AFF2: variants seen among roughly 807,000 people sequenced by gnomAD.
AFF2 encodes the protein AF4/FMR2 family member 2.
In AFF2, 14 loss-of-function variants were observed where a neutral mutation model predicts 76.9. That is an observed-to-expected ratio of 0.18 (90% CI 0.12 to 0.28). AFF2 has a LOEUF of 0.28. Among genes scored for constraint, AFF2 ranks in the 10% least tolerant of loss-of-function variants. The pLI is 1.00. For missense variants in AFF2, 868 were observed against 1,001.1 expected (o/e 0.87, Z 1.79); for synonymous variants, 398 against 366.7 (o/e 1.09, Z -0.98).
chrX:148,897,235 A>AGTCCAC (rs1393880145), intron 8 of AFF2, among the ~76,000 whole-genome samples: 1 of 22,224 alleles, frequency 4.5e-5, no homozygotes, highest in Non-Finnish European at 7.6e-5. Context: ...ATATATATAT[A>AGTCCAC]TATATATATA....
At chrX:148,788,388 G>A (rs1438647668) in intron 3 of AFF2, among the ~76,000 whole-genome samples, 6 of 111,925 alleles carry the variant, frequency 5.4e-5, no homozygotes, top group Admixed American at 2.8e-4. Flanking sequence ...ATAGAGCCAC[G>A]TATCAAGAAC....
intron 3 of AFF2, among the ~76,000 whole-genome samples, chrX:148,666,714 A>G (rs975747577): frequency 8.9e-6 from 1 of 112,061 alleles, no homozygotes; most frequent in Non-Finnish European, 1.9e-5. Flanking sequence ...TTGGGTTTAG[A>G]AGAATTTTCT....
At chrX:148,534,557 AG>A (rs1245680507) in intron 1 of AFF2, among the ~76,000 whole-genome samples, 3 of 112,399 alleles carry the variant, frequency 2.7e-5, no homozygotes, top group African/African-American at 6.5e-5. Flanking sequence ...ATAGTTTTGT[AG>A]GCCCCAATTC....
chrX:148,603,292 CTT>C (rs2053643624), intron 1 of AFF2, among the ~76,000 whole-genome samples: 1 of 111,695 alleles, frequency 9.0e-6, no homozygotes, highest in East Asian at 2.8e-4. Flanking sequence ...TGATAAAAGA[CTT>C]TGCAGTCAGT....
intron 1 of AFF2, among the ~76,000 whole-genome samples, chrX:148,536,700 C>T (rs1232996446): frequency 8.9e-6 from 1 of 111,927 alleles, no homozygotes; most frequent in South Asian, 3.7e-4. Flanking sequence ...ATCCTAAGTC[C>T]GGTAAGGTTA....
rs782353098 is a variant in AFF2, at chrX:148,737,092, G to T, written c.1042-72784G>T. ...CTTTTTGCTTAGTCTTGCGTTGGCTGTGCAGGCTCCTTTTTGGTTCCATAT... is the reference window on the plus strand; with the variant it reads ...CTTTTTGCTTAGTCTTGCGTTGGCTTTGCAGGCTCCTTTTTGGTTCCATAT... On this transcript the variant is annotated intron_variant, in intron 3 of 20. Transcript: ENST00000370460. Among the ~76,000 whole-genome samples, 5 of 111,362 alleles carry T rather than the reference G, an allele frequency of 4.5e-5. No individual in the cohort carries two copies. In the South Asian group the frequency reaches 1.9e-3, roughly 42 times the overall value.
intron 1 of AFF2, 54 bp from the exon 2 acceptor site, chrX:148,651,945 A>G (rs1269650694): frequency 2.7e-6 from 3 of 1,092,361 alleles, no homozygotes; most frequent in East Asian, 6.2e-5. Context: ...AATTTAAATG[A>G]CTTGCATGAT....
At chrX:148,871,344 A>G (rs996849263) in intron 7 of AFF2, among the ~76,000 whole-genome samples, 7 of 111,259 alleles carry the variant, frequency 6.3e-5, no homozygotes, top group Non-Finnish European at 1.3e-4. Flanking sequence ...TCAATTAGCC[A>G]GTGAAGGACC....
Position 148,914,146 on chromosome X carries a change from C to A in AFF2, c.1397+9888C>A, listed in dbSNP as rs886283900. Among the ~76,000 whole-genome samples the A allele has an allele frequency of 7.2e-5, 8 of 111,673 alleles. No homozygotes were observed. In the East Asian group the frequency reaches 2.0e-3, roughly 27 times the overall value. On this transcript the variant is annotated intron_variant, in intron 9 of 20. Coordinates refer to ENST00000370460, the MANE Select transcript of AFF2 (RefSeq NM_002025.4). The stretch of plus-strand genomic sequence containing the variant: ...GGAGGGAGTGACTGCTGAGAGTGAG[C>A]TCTCCCTATCTCAGCAGGAGTCCCC...
At chrX:148,808,447 A>G (rs1353002428) in intron 3 of AFF2, among the ~76,000 whole-genome samples, 1 of 112,588 alleles carries the variant, frequency 8.9e-6, no homozygotes, top group South Asian at 3.7e-4. Context: ...TTTACAAGGT[A>G]TGCCCAGCCA....
In AFF2 at chrX:148,500,795, C is replaced by G. The variant is rs2124172963; in HGVS notation, c.-303C>G. On this transcript the variant is annotated 5_prime_UTR_variant, in exon 1 of 21. Transcript: ENST00000370460. The stretch of plus-strand genomic sequence containing the variant: ...GCGGGCGGCCCAGCCCGCCTGAGCC[C>G]GCAGCGGCTGCCGCCGCAGCGTCGG... 1 of 110,027 alleles carries G rather than the reference C, an allele frequency of 9.1e-6. No individual in the cohort carries two copies. The highest frequency in any genetic ancestry group is 2.8e-4 in the East Asian group (1 of 3,615). 9.1% of individuals were successfully genotyped at this position (110,027 alleles called of 1,213,427 possible).
intron 1 of AFF2, among the ~76,000 whole-genome samples, chrX:148,582,646 C>G (rs1422637096): frequency 1.8e-5 from 2 of 111,874 alleles, no homozygotes; most frequent in African/African-American, 6.5e-5. Context: ...CTGCTGAGAA[C>G]ATACAATGGT....
At chrX:148,682,711 G>T (rs1235334677) in intron 3 of AFF2, among the ~76,000 whole-genome samples, 1 of 111,486 alleles carries the variant, frequency 9.0e-6, no homozygotes, top group Admixed American at 9.5e-5. Context: ...ACATAAAAAA[G>T]AAATCTTTTT....
chrX:148,813,335 A>G (rs1012111857), intron 4 of AFF2, among the ~76,000 whole-genome samples: 15 of 112,151 alleles, frequency 1.3e-4, no homozygotes, highest in African/African-American at 3.9e-4. Flanking sequence ...TTCAGACAGT[A>G]GCTGACATTT....
At chrX:148,602,157 T>C (rs145276626) in intron 1 of AFF2, among the ~76,000 whole-genome samples, 1,331 of 111,621 alleles carry the variant, frequency 0.012, 22 homozygotes, top group African/African-American at 0.04. Flanking sequence ...GCTAAGTGTA[T>C]AGCAAATGCA....
At chrX:148,767,233 T>G (rs1157850450) in intron 3 of AFF2, among the ~76,000 whole-genome samples, 1 of 110,554 alleles carries the variant, frequency 9.0e-6, no homozygotes, top group Admixed American at 9.7e-5. Flanking sequence ...GAAGCTCCAG[T>G]TTTTATTGTT....
At chrX:148,659,133 G>A (rs1033170068) in intron 2 of AFF2, among the ~76,000 whole-genome samples, 1 of 111,927 alleles carries the variant, frequency 8.9e-6, no homozygotes, top group Non-Finnish European at 1.9e-5. Flanking sequence ...TAGACACAGT[G>A]TTAGACATTG....
Position 148,501,069 on chromosome X carries a change from C to A in AFF2, c.-29C>A. 2.5e-6 allele frequency: 3 copies of A among 1,197,967 alleles called. No individual in the cohort carries two copies. The South Asian group carries it at 5.3e-5, about 21-fold the overall frequency. ...CCGACCCGCTGCGATCAGGGACAGG[C>A]GCCCGCCCGCCGCCGCCGCCTGGCC... On this transcript the variant is annotated 5_prime_UTR_variant, in exon 1 of 21. Transcript: ENST00000370460.
intron 2 of AFF2, among the ~76,000 whole-genome samples, chrX:148,657,878 A>G (rs781884608): frequency 8.9e-6 from 1 of 112,495 alleles, no homozygotes; most frequent in South Asian, 3.7e-4. Context: ...TAGGATTACT[A>G]AGACTCTGGA....
Sources: gnomAD v4.1 joint callset for allele counts (sites outside exome capture counted in the v4.1 genomes callset) on GRCh38, gnomAD v4.1.1 for gene constraint, MANE v1.5 for transcripts, NCBI Gene and HGNC (gene_info 2026-07-23, HGNC 2026-07-21) for gene names.